JAKMIP2: variants seen among roughly 807,000 people sequenced by gnomAD.
JAKMIP2 encodes janus kinase and microtubule-interacting protein 2.
JAKMIP2 carries 25 observed loss-of-function variants against 115.0 expected under a neutral mutation model. The observed-to-expected ratio is 0.22, with a 90% confidence interval of 0.16 to 0.30. The LOEUF (loss-of-function observed/expected upper bound fraction) is 0.30. Ranked by LOEUF, JAKMIP2 falls within the 10% of genes least tolerant of loss-of-function variation. JAKMIP2 has a pLI of 1.00. For synonymous variants in JAKMIP2, 334 were observed against 343.6 expected (o/e 0.97, Z 0.31); for missense variants, 642 against 957.6 (o/e 0.67, Z 4.35).
intron 1 of JAKMIP2, among the ~76,000 whole-genome samples, chr5:147,752,279 G>A (rs1039106120): frequency 5.9e-5 from 9 of 152,186 alleles, no homozygotes; most frequent in African/African-American, 1.9e-4. Context: ...GGGGCCAAAA[G>A]GGGTGCTGGA....
intron 1 of JAKMIP2, among the ~76,000 whole-genome samples, chr5:147,766,966 C>A (rs1047180296): frequency 6.6e-6 from 1 of 152,104 alleles, no homozygotes; most frequent in Non-Finnish European, 1.5e-5. Flanking sequence ...AAACCAAAAA[C>A]CTCTCAATGA....
intron 1 of JAKMIP2, among the ~76,000 whole-genome samples, chr5:147,706,952 G>A (rs1044261081): frequency 3.8e-4 from 58 of 152,148 alleles, no homozygotes; most frequent in African/African-American, 1.4e-3. Flanking sequence ...ATTGAAATTA[G>A]TATTTAGTTC....
At chr5:147,617,405 A>G (rs1485126983) in intron 19 of JAKMIP2, among the ~76,000 whole-genome samples, 2 of 152,214 alleles carry the variant, frequency 1.3e-5, no homozygotes, top group African/African-American at 4.8e-5. Context: ...GAAATGATGT[A>G]AGTAGAGTCC....
chr5:147,656,253 CT>C (rs1351706913), intron 3 of JAKMIP2, among the ~76,000 whole-genome samples: 1 of 152,196 alleles, frequency 6.6e-6, no homozygotes, highest in Non-Finnish European at 1.5e-5. Context: ...TGTTATTTTT[CT>C]ATCACATTGA....
intron 2 of JAKMIP2, among the ~76,000 whole-genome samples, chr5:147,664,438 T>C (rs1047125515): frequency 1.3e-5 from 2 of 152,168 alleles, no homozygotes; most frequent in Non-Finnish European, 2.9e-5. Flanking sequence ...TCCCGTGCTC[T>C]AGGTGGGGGG....
At chr5:147,608,420 T>C (rs1756141934) in intron 20 of JAKMIP2, among the ~76,000 whole-genome samples, 1 of 152,250 alleles carries the variant, frequency 6.6e-6, no homozygotes, top group Admixed American at 6.5e-5. Context: ...TCTGCCTTAA[T>C]TTCGTTATTT....
chr5:147,607,863 G>A (rs1022526805), intron 20 of JAKMIP2, among the ~76,000 whole-genome samples: 1 of 152,142 alleles, frequency 6.6e-6, no homozygotes, highest in Non-Finnish European at 1.5e-5. Context: ...CTTCTTATTG[G>A]TCTATTCAGG....
At chr5:147,621,588 A>T (rs1368759023) in intron 17 of JAKMIP2, among the ~76,000 whole-genome samples, 1 of 152,210 alleles carries the variant, frequency 6.6e-6, no homozygotes, top group Non-Finnish European at 1.5e-5. Context: ...TTGTGTTTTT[A>T]AAGAGCTTTC....
chr5:147,713,953 C>T (rs1444360418), intron 1 of JAKMIP2, among the ~76,000 whole-genome samples: 2 of 152,150 alleles, frequency 1.3e-5, no homozygotes, highest in East Asian at 1.9e-4. Flanking sequence ...AATCTGAAAC[C>T]CTCTATTTAG....
At chr5:147,742,369 G>C (rs536866343) in intron 1 of JAKMIP2, among the ~76,000 whole-genome samples, 6 of 151,766 alleles carry the variant, frequency 4.0e-5, no homozygotes, top group African/African-American at 1.5e-4. Context: ...AAGTCAACTC[G>C]TTGGGCTCTT....
intron 17 of JAKMIP2, 112 bp downstream of exon 17, chr5:147,623,509 G>T: frequency 4.9e-6 from 3 of 611,946 alleles, no homozygotes; most frequent in East Asian, 3.0e-5. Flanking sequence ...AATAATAATG[G>T]AAAGATGACA....
At chr5:147,772,337 G>T (rs2127077585) in intron 1 of JAKMIP2, among the ~76,000 whole-genome samples, 1 of 151,652 alleles carries the variant, frequency 6.6e-6, no homozygotes, top group South Asian at 2.1e-4. Flanking sequence ...GCAAATGTTT[G>T]TCTGCAGGAT....
chr5:147,594,798 A>G (rs1425764096), intron 21 of JAKMIP2, among the ~76,000 whole-genome samples: 1 of 152,190 alleles, frequency 6.6e-6, no homozygotes, highest in Non-Finnish European at 1.5e-5. Context: ...AAAGTATTCA[A>G]TAAATGGTAG....
intron 2 of JAKMIP2, among the ~76,000 whole-genome samples, chr5:147,670,697 A>G (rs923487516): frequency 1.3e-5 from 2 of 152,178 alleles, no homozygotes; most frequent in Non-Finnish European, 2.9e-5. Flanking sequence ...TTTTTGTTCA[A>G]TCCTCATAAG....
chr5:147,763,048 G>A (rs1226431452), intron 1 of JAKMIP2, among the ~76,000 whole-genome samples: 1 of 151,982 alleles, frequency 6.6e-6, no homozygotes, highest in Non-Finnish European at 1.5e-5. Flanking sequence ...TAAATCTTTG[G>A]TCAAGCCATC....
chr5:147,765,086 A>G (rs1449405623), intron 1 of JAKMIP2, among the ~76,000 whole-genome samples: 2 of 151,112 alleles, frequency 1.3e-5, no homozygotes, highest in African/African-American at 2.4e-5. Flanking sequence ...AAAGAAAGAA[A>G]AAAGCAATTC....
intron 12 of JAKMIP2, 139 bp from the exon 13 acceptor site, chr5:147,632,917 AT>A (rs1304482047): frequency 1.7e-6 from 1 of 580,854 alleles, no homozygotes; most frequent in African/African-American, 1.9e-5. Flanking sequence ...TGTGAATAAA[AT>A]AAGTATTTGG....
At chr5:147,733,826 G>A (rs1260385222) in intron 1 of JAKMIP2, among the ~76,000 whole-genome samples, 2 of 152,168 alleles carry the variant, frequency 1.3e-5, no homozygotes, top group Non-Finnish European at 2.9e-5. Context: ...AGTATTCCAT[G>A]GTGTATATGT....
chr5:147,681,472 C>T (rs371167369), intron 1 of JAKMIP2, among the ~76,000 whole-genome samples: 205 of 152,298 alleles, frequency 1.3e-3, no homozygotes, highest in African/African-American at 4.7e-3. Context: ...CACCATACCC[C>T]GGGTGGAATA....
Sources: allele counts gnomAD v4.1 joint callset (sites outside exome capture counted in the v4.1 genomes callset), GRCh38; gene constraint gnomAD v4.1.1; transcripts MANE v1.5; gene names NCBI Gene and HGNC (gene_info 2026-07-23, HGNC 2026-07-21).